The following FOXA3 variants were observed in gnomAD, a reference collection of about 807,000 sequenced individuals.
FOXA3 encodes the protein forkhead box A3.
FOXA3 carries 11 observed loss-of-function variants against 16.9 expected under a neutral mutation model. The observed-to-expected ratio is 0.65, with a 90% CI of 0.41 to 1.08. FOXA3 has a LOEUF of 1.08. Ranked by LOEUF, FOXA3 falls within the 50% of genes least tolerant of loss-of-function variation. The pLI, the probability that FOXA3 is intolerant of heterozygous loss-of-function variation, is 0.00. For missense variants in FOXA3, 423 were observed against 470.1 expected (o/e 0.90, Z 0.93); for synonymous variants, 217 against 203.3 (o/e 1.07, Z -0.57).
rs199745348 is a variant in FOXA3 at position 45,872,920 on chromosome 19, C to G, written c.915C>G (p.Ser305=). 2 of 1,614,170 alleles carry G rather than the reference C, an allele frequency of 1.2e-6. No individual in the cohort carries two copies. Among genetic ancestry groups the G allele is most frequent in the African/African-American group, 2.7e-5 (2 of 75,048 alleles). Residue 305 remains serine, a synonymous_variant, in exon 2 of 2, where the codon TCC becomes TCG. Transcript: ENST00000302177. This position sits in a 1 kb window ranked among gnomAD's most constrained non-coding sequence, Gnocchi z 4.5. ...CCTACAACTTCAACCACCCTTTCTCCATCAACAACCTAATGTCAGAACAGA... is the reference window on the plus strand; with the variant it reads ...CCTACAACTTCAACCACCCTTTCTCGATCAACAACCTAATGTCAGAACAGA... ...DAPYNFNHPF[S]INNLMSEQTP...
In FOXA3 at chr19:45,873,076, G is replaced by C; in HGVS notation, c.*18G>C. 6.4e-7 allele frequency: 1 copy of C among 1,572,778 alleles called. No individual in the cohort carries two copies. The highest frequency in any genetic ancestry group is 1.7e-4 in the Middle Eastern group (1 of 6,012). On this transcript the variant is annotated 3_prime_UTR_variant, in exon 2 of 2. Transcript: ENST00000302177. ...CATCCTAGCAGGGGTTGGGAACATG[G>C]TGGTGGGTATGGCTGGAGCTCACAC...
In FOXA3 at chr19:45,872,695, C is replaced by G; in HGVS notation, c.690C>G (p.Thr230=). 1.9e-6 allele frequency: 3 copies of G among 1,609,836 alleles called. No individual in the cohort carries two copies. Among genetic ancestry groups the G allele is most frequent in the Non-Finnish European group, 1.7e-6 (2 of 1,178,318 alleles). The part of the protein sequence containing the change: ...KKGGSGAATT[T]RNGTGSAAST... ...GGGGCAGCGGGGCTGCCACCACCAC[C>G]AGGAACGGGACAGGGTCTGCTGCCT... The change falls in exon 2 of 2, where the codon ACC becomes ACG. Residue 230 remains threonine (T), a synonymous_variant. Transcript: ENST00000302177. The surrounding 1 kb of genome is among the most constrained non-coding windows in gnomAD (Gnocchi z 4.5).
Position 45,873,189 on chromosome 19 carries a change from G to A in FOXA3, c.*131G>A. The A allele has an allele frequency of 7.2e-7, 1 of 1,394,190 alleles. No individual in the cohort carries two copies. Among genetic ancestry groups the A allele is most frequent in the Non-Finnish European group, 9.8e-7 (1 of 1,025,402 alleles). 86.4% of individuals were successfully genotyped at this position (1,394,190 alleles called of 1,614,324 possible). Reference sequence around the variant, plus strand: ...GGGTGGGTCTATTACTTACTGTGATGACTGCTGTCTCAGTGGGCATGGTGT... The same window carrying A: ...GGGTGGGTCTATTACTTACTGTGATAACTGCTGTCTCAGTGGGCATGGTGT... On this transcript the variant is annotated 3_prime_UTR_variant, in exon 2 of 2. Coordinates refer to ENST00000302177, the MANE Select transcript of FOXA3 (RefSeq NM_004497.3).
chr19:45,871,888 A>G (rs1321702114), intron 1 of FOXA3, among the ~76,000 whole-genome samples, 187 bp from the exon 2 acceptor site: 4 of 152,176 alleles, frequency 2.6e-5, no homozygotes, highest in Non-Finnish European at 5.9e-5. Context: ...AGCAGGGGGC[A>G]GAAAGGGCGT....
At chr19:45,868,241 A>G (rs1972104365) in intron 1 of FOXA3, among the ~76,000 whole-genome samples, 1 of 151,986 alleles carries the variant, frequency 6.6e-6, no homozygotes, top group Non-Finnish European at 1.5e-5. Context: ...TCCCTAAGCC[A>G]CCCTGGCCAG....
chr19:45,867,975 T>C (rs1600548762), intron 1 of FOXA3, among the ~76,000 whole-genome samples: 1 of 132,298 alleles, frequency 7.6e-6, no homozygotes, highest in Non-Finnish European at 1.6e-5. Context: ...TCGGGAGGGG[T>C]CGAGGGTGGG....
rs1032061251 is a variant in FOXA3, at chr19:45,872,235, C to A, written c.230C>A (p.Thr77Asn). ...PPAPAAPLGP[T>N]FPGLGVSGGS... ...GCACCTGCAGCCCCCCTGGGGCCCA[C>A]TTTCCCAGGCCTGGGTGTCAGCGGT... Residue 77 changes from threonine (T) to asparagine (N), a missense_variant, in exon 2 of 2, where the codon ACT (threonine) becomes AAT (asparagine). Thr to Asn is a moderately conservative substitution (Grantham distance 65). Transcript: ENST00000302177. The surrounding 1 kb of genome is among the most constrained non-coding windows in gnomAD (Gnocchi z 4.5). 1 of 1,606,978 alleles carries A rather than the reference C, an allele frequency of 6.2e-7. No homozygotes were observed. The highest frequency in any genetic ancestry group is 1.1e-5 in the South Asian group (1 of 90,648).
chr19:45,864,739 G>A (rs184692798), intron 1 of FOXA3, among the ~76,000 whole-genome samples: 1 of 152,290 alleles, frequency 6.6e-6, no homozygotes, highest in African/African-American at 2.4e-5. Flanking sequence ...CGCGGCCAGG[G>A]CTTAAAAATG....
intron 1 of FOXA3, among the ~76,000 whole-genome samples, chr19:45,867,056 C>T (rs1014687765): frequency 4.6e-5 from 7 of 152,034 alleles, no homozygotes; most frequent in Middle Eastern, 3.2e-3. Context: ...AGCCCCGGGG[C>T]GTGGGAAAGC....
intron 1 of FOXA3, among the ~76,000 whole-genome samples, chr19:45,868,016 C>A (rs1972101375): frequency 7.1e-6 from 1 of 141,266 alleles, no homozygotes; most frequent in Non-Finnish European, 1.5e-5. Context: ...AGGGTGGAGA[C>A]AGAAGGGAAA....
At chr19:45,871,983 G>T in intron 1 of FOXA3, 92 bp from the exon 2 acceptor site, 1 of 1,287,662 alleles carries the variant, frequency 7.8e-7, no homozygotes. Flanking sequence ...AAGGCAAGAT[G>T]GACAGACAGA....
At chr19:45,870,836 G>A (rs749453996) in intron 1 of FOXA3, among the ~76,000 whole-genome samples, 40 of 152,084 alleles carry the variant, frequency 2.6e-4, no homozygotes, top group Non-Finnish European at 5.3e-4. Context: ...CCAAAGTTCT[G>A]GGATTACTTT....
chr19:45,867,288 T>G (rs968170543), intron 1 of FOXA3, among the ~76,000 whole-genome samples: 1 of 151,926 alleles, frequency 6.6e-6, no homozygotes, highest in African/African-American at 2.4e-5. Flanking sequence ...ATCCCTTTTC[T>G]TTTTCTGGGG....
In FOXA3 at chr19:45,873,062, G is replaced by A. The variant is rs773143506; in HGVS notation, c.*4G>A. On this transcript the variant is annotated 3_prime_UTR_variant, in exon 2 of 2. Transcript: ENST00000302177. ...CTCTTTGCTTAATGCATCCTAGCAG[G>A]GGTTGGGAACATGGTGGTGGGTATG... 2.8e-5 allele frequency: 44 copies of A among 1,582,592 alleles called. No homozygotes were observed. Among genetic ancestry groups the A allele is most frequent in the Non-Finnish European group, 3.8e-5 (44 of 1,163,568 alleles).
intron 1 of FOXA3, among the ~76,000 whole-genome samples, chr19:45,871,828 G>A (rs1480312268): frequency 6.6e-6 from 1 of 152,186 alleles, no homozygotes; most frequent in African/African-American, 2.4e-5. Flanking sequence ...GAACCCTGGA[G>A]AATCACTTAA....
intron 1 of FOXA3, among the ~76,000 whole-genome samples, chr19:45,869,788 TTTA>T (rs1338960416): frequency 7.3e-6 from 1 of 136,278 alleles, no homozygotes; most frequent in African/African-American, 2.8e-5. Context: ...TTTTTATTTA[TTTA>T]TTTTTTTTTT....
chr19:45,871,189 CAT>C (rs1192169406), intron 1 of FOXA3, among the ~76,000 whole-genome samples: 9 of 152,052 alleles, frequency 5.9e-5, no homozygotes, highest in East Asian at 1.9e-4. Context: ...ATATTACAAA[CAT>C]GTATTCATTT....
At chr19:45,867,779 C>CAAAAAAAAAAAAAAA (rs60785587) in intron 1 of FOXA3, among the ~76,000 whole-genome samples, 3 of 55,460 alleles carry the variant, frequency 5.4e-5, no homozygotes, top group Admixed American at 2.3e-4. Context: ...GACTCTATCT[C>CAAAAAAAAAAAAAAA]AAAAAAAAAA....
intron 1 of FOXA3, among the ~76,000 whole-genome samples, chr19:45,866,177 C>G (rs1322623269): frequency 6.6e-6 from 1 of 151,910 alleles, no homozygotes; most frequent in Non-Finnish European, 1.5e-5. Context: ...TTTGGGAGGT[C>G]GAAGTGGGAG....
Sources: gnomAD v4.1 joint callset for allele counts (sites outside exome capture counted in the v4.1 genomes callset) on GRCh38, gnomAD v4.1.1 for gene constraint, Gnocchi (gnomAD v3.1) non-coding constraint, MANE v1.5 for transcripts, NCBI Gene and HGNC (gene_info 2026-07-23, HGNC 2026-07-21) for gene names.